The following FAM227B variants were observed in gnomAD, a reference collection of about 807,000 sequenced individuals.
FAM227B encodes protein FAM227B.
A neutral mutation model predicts 73.8 loss-of-function variants in FAM227B; 88 were observed. The observed-to-expected ratio is 1.19, with a 90% CI of 1.00 to 1.42. The LOEUF is 1.42. Ranked by LOEUF, FAM227B falls within the 40% of genes most tolerant of loss-of-function variation. FAM227B has a pLI of 0.00. For synonymous variants in FAM227B, 210 were observed against 190.5 expected (o/e 1.10, Z -0.84); for missense variants, 632 against 590.9 (o/e 1.07, Z -0.72).
intron 14 of FAM227B, among the ~76,000 whole-genome samples, chr15:49,333,452 T>A (rs956701701): frequency 3.9e-5 from 6 of 152,242 alleles, no homozygotes; most frequent in African/African-American, 1.4e-4. Context: ...CCTACATTCT[T>A]CTGCATATTC....
At chr15:49,396,480 T>C (rs755041006) in intron 11 of FAM227B, 5,263 of 183,268 alleles carry the variant, frequency 0.029, 117 homozygotes, top group Middle Eastern at 0.041. Context: ...AAGCTCGAAC[T>C]GGGTGGAGCC....
At chr15:49,330,550 G>T (rs746001076) in intron 15 of FAM227B, 1 of 152,168 alleles carries the variant, frequency 6.6e-6, no homozygotes, top group East Asian at 1.9e-4. Context: ...TGCCTTGTTA[G>T]ATGAGGCATG....
chr15:49,380,027 C>G (rs1343717303), intron 11 of FAM227B, among the ~76,000 whole-genome samples: 1 of 152,154 alleles, frequency 6.6e-6, no homozygotes, highest in Admixed American at 6.5e-5. Context: ...ATCCAGGAGT[C>G]AGGAACTAGT....
intron 11 of FAM227B, among the ~76,000 whole-genome samples, chr15:49,429,233 G>GGTA (rs1187079644): frequency 1.3e-5 from 2 of 151,954 alleles, no homozygotes; most frequent in African/African-American, 4.8e-5. Context: ...TTATAGACAA[G>GGTA]GTAGAATCTT....
intron 8 of FAM227B, among the ~76,000 whole-genome samples, chr15:49,570,424 T>A (rs903920956): frequency 6.6e-6 from 1 of 151,918 alleles, no homozygotes; most frequent in Non-Finnish European, 1.5e-5. Flanking sequence ...GTTTTTCAAA[T>A]ACTGTTCACA....
intron 11 of FAM227B, among the ~76,000 whole-genome samples, chr15:49,420,575 T>C (rs2049541350): frequency 1.3e-5 from 2 of 152,154 alleles, no homozygotes; most frequent in Admixed American, 1.3e-4. Context: ...AAAAGAATTA[T>C]CTATGTTTTG....
At position 49,508,343 on chromosome 15, in the gene FAM227B, T is replaced by G; in HGVS notation, c.880A>C (p.Lys294Gln). 8 of 1,579,308 alleles carry G rather than the reference T, an allele frequency of 5.1e-6. No individual in the cohort carries two copies. The highest frequency in any genetic ancestry group is 6.0e-6 in the Non-Finnish European group (7 of 1,169,716). ...TGGATCCAAAAGCCTTTTTGAGGTT[T>G]TAAACCTGTTAATATAAAATACATA... is the stretch of plus-strand genomic sequence containing the variant. ...NNIFLWCSGL[K>Q]PQKGFWIHWK... Residue 294 changes from lysine (K) to glutamine (Q), a missense_variant, in exon 11 of 16, where the codon AAA becomes CAA. Physicochemically the swap from Lys to Gln is moderately conservative, Grantham distance 53. Coordinates refer to ENST00000299338, the MANE Select transcript of FAM227B (RefSeq NM_152647.3).
intron 9 of FAM227B, among the ~76,000 whole-genome samples, chr15:49,561,866 G>T (rs7181916): frequency 0.33 from 49,803 of 151,928 alleles, 8,933 homozygotes; most frequent in African/African-American, 0.46. Context: ...GAGCAAAGTT[G>T]ATAGCACTAA....
At chr15:49,507,717 G>A (rs1336645616) in intron 11 of FAM227B, among the ~76,000 whole-genome samples, 2 of 151,558 alleles carry the variant, frequency 1.3e-5, no homozygotes, top group Non-Finnish European at 2.9e-5. Context: ...TTTAATAAAC[G>A]GATCATTTGG....
chr15:49,484,492 G>A, intron 11 of FAM227B: 2 of 1,538,440 alleles, frequency 1.3e-6, no homozygotes. Flanking sequence ...TTCTTCCTAT[G>A]GCAATAACTT....
chr15:49,345,965 C>A (rs2041422372), intron 13 of FAM227B, among the ~76,000 whole-genome samples: 1 of 151,924 alleles, frequency 6.6e-6, no homozygotes, highest in Admixed American at 6.6e-5. Context: ...ACTTATCTGC[C>A]AAAAGTATTG....
At chr15:49,538,524 G>A (rs139947463) in intron 10 of FAM227B, among the ~76,000 whole-genome samples, 1 of 152,252 alleles carries the variant, frequency 6.6e-6, no homozygotes, top group Non-Finnish European at 1.5e-5. Flanking sequence ...ACCAGGGGGT[G>A]CAAATGCTCC....
chr15:49,552,416 T>C (rs947441848), intron 9 of FAM227B, among the ~76,000 whole-genome samples: 2 of 152,204 alleles, frequency 1.3e-5, no homozygotes, highest in Non-Finnish European at 2.9e-5. Flanking sequence ...GGTCCTTTCT[T>C]TATCCTTGAC....
At chr15:49,329,275 T>A in intron 15 of FAM227B, 3 of 985,498 alleles carry the variant, frequency 3.0e-6, no homozygotes, top group Non-Finnish European at 2.4e-6. Context: ...TGGCTGGTGA[T>A]GGCAAATGAC....
intron 13 of FAM227B, chr15:49,343,500 G>A (rs185878332): frequency 2.3e-4 from 35 of 152,266 alleles, no homozygotes; most frequent in African/African-American, 8.2e-4. Context: ...ATGGAAGAGT[G>A]ACTGTATTTT....
At chr15:49,518,055 G>C (rs1430828694) in intron 10 of FAM227B, among the ~76,000 whole-genome samples, 1 of 152,120 alleles carries the variant, frequency 6.6e-6, no homozygotes, top group African/African-American at 2.4e-5. Flanking sequence ...CATTTTTACA[G>C]TTTCTGTCTT....
intron 11 of FAM227B, among the ~76,000 whole-genome samples, chr15:49,397,342 G>A (rs370906436): frequency 0.016 from 2,463 of 152,042 alleles, 30 homozygotes; most frequent in South Asian, 0.03. Flanking sequence ...AAATATGGGG[G>A]CTATGTGAAA....
intron 13 of FAM227B, among the ~76,000 whole-genome samples, chr15:49,364,864 A>G (rs2044858637): frequency 6.6e-6 from 1 of 151,734 alleles, no homozygotes; most frequent in African/African-American, 2.4e-5. Flanking sequence ...TTTTTTTTTT[A>G]AGAAAAATAT....
chr15:49,451,017 T>C (rs2052675955), intron 11 of FAM227B, among the ~76,000 whole-genome samples: 1 of 152,078 alleles, frequency 6.6e-6, no homozygotes, highest in Non-Finnish European at 1.5e-5. Flanking sequence ...AGTGGGGAAA[T>C]ATATGTCTAA....
Sources: allele counts gnomAD v4.1 joint callset (sites outside exome capture counted in the v4.1 genomes callset), GRCh38; gene constraint gnomAD v4.1.1; transcripts MANE v1.5; gene names NCBI Gene and HGNC (gene_info 2026-07-23, HGNC 2026-07-21).